COG4: variants seen among roughly 807,000 people sequenced by gnomAD.
COG4 encodes the protein conserved oligomeric Golgi complex subunit 4.
COG4 carries 65 observed loss-of-function variants against 95.1 expected under a neutral mutation model. The ratio of observed to expected loss-of-function variants is 0.68; its 90% CI spans 0.56 to 0.84. The LOEUF (loss-of-function observed/expected upper bound fraction) is 0.84. COG4 is among the 40% of genes least tolerant of loss of function. The pLI, the probability that COG4 is intolerant of heterozygous loss-of-function variation, is 0.00. For synonymous variants in COG4, 421 were observed against 374.8 expected (o/e 1.12, Z -1.42); for missense variants, 1,045 against 989.1 (o/e 1.06, Z -0.76).
chr16:70,521,744 G>A (rs373060809), intron 1 of COG4, among the ~76,000 whole-genome samples: 2 of 141,840 alleles, frequency 1.4e-5, no homozygotes, highest in Non-Finnish European at 3.0e-5. Context: ...CTCTGTCGCC[G>A]AGGCTGGAGT....
chr16:70,482,475 T>C, intron 15 of COG4: 3 of 598,292 alleles, frequency 5.0e-6, no homozygotes, highest in African/African-American at 2.2e-5. Flanking sequence ...CGCTTCTAAG[T>C]CTATCATAGG....
chr16:70,501,923 T>C (rs1158242203), intron 8 of COG4, among the ~76,000 whole-genome samples: 1 of 151,976 alleles, frequency 6.6e-6, no homozygotes, highest in Non-Finnish European at 1.5e-5. Flanking sequence ...CCTCCTGCCT[T>C]GGCCTCTTGA....
At chr16:70,513,870 GCCC>G (rs2049763667) in intron 4 of COG4, among the ~76,000 whole-genome samples, 1 of 152,166 alleles carries the variant, frequency 6.6e-6, no homozygotes, top group African/African-American at 2.4e-5. Flanking sequence ...AACAAAGCCT[GCCC>G]CAGGATGGTA....
At chr16:70,507,566 T>C (rs1003298576) in intron 8 of COG4, among the ~76,000 whole-genome samples, 1 of 152,064 alleles carries the variant, frequency 6.6e-6, no homozygotes, top group Non-Finnish European at 1.5e-5. Context: ...TCTCAGAATG[T>C]ACTCCAGTTG....
At chr16:70,518,064 G>A (rs55667445) in intron 2 of COG4, among the ~76,000 whole-genome samples, 152 of 151,988 alleles carry the variant, frequency 1.0e-3, no homozygotes, top group Non-Finnish European at 1.8e-3. Context: ...CTGAGTAGCT[G>A]GGACTACAGG....
In COG4 at chr16:70,497,899, G is replaced by A. The variant is rs118063325; in HGVS notation, c.1314+38C>T. 4.3e-3 allele frequency: 5,239 copies of A among 1,205,836 alleles called. 19 individuals are homozygous for A. The highest frequency in any genetic ancestry group is 5.5e-3 in the Non-Finnish European group (4,473 of 807,344). The allele number at this position is 1,205,836 out of a possible 1,614,324, so 74.7% of individuals were successfully genotyped here. ...TTCCCTCAGCCTGGCTTCTTGGACCGGAAGCCCCATTTCCAAGAGATGCGT... is the reference window on the plus strand; with the variant it reads ...TTCCCTCAGCCTGGCTTCTTGGACCAGAAGCCCCATTTCCAAGAGATGCGT... On this transcript the variant is annotated intron_variant, in intron 10 of 18. Transcript: ENST00000323786.
chr16:70,502,273 T>C (rs1272291828), intron 8 of COG4, among the ~76,000 whole-genome samples: 5 of 52,902 alleles, frequency 9.5e-5, no homozygotes. Context: ...ACAGCAAGAC[T>C]CCGTCTCAAA....
chr16:70,487,403 C>T (rs368155770), intron 13 of COG4, among the ~76,000 whole-genome samples: 6 of 152,118 alleles, frequency 3.9e-5, no homozygotes, highest in Non-Finnish European at 1.5e-5. Context: ...TCGAGACCAG[C>T]CTGGCCAACA....
chr16:70,484,085 G>A, intron 13 of COG4, 116 bp from the exon 14 acceptor site: 9 of 802,228 alleles, frequency 1.1e-5, no homozygotes, highest in Non-Finnish European at 1.7e-5. Context: ...GCCCGGATGG[G>A]TTTCAGAAAA....
Position 70,523,547 on chromosome 16 carries a change from G to A in COG4, c.-4C>T. 1 of 1,613,532 alleles carries A rather than the reference G, an allele frequency of 6.2e-7. No homozygotes were observed. The highest frequency in any genetic ancestry group is 8.5e-7 in the Non-Finnish European group (1 of 1,180,014). ...GGTCCGCCATCTTGGTCCCCATTCG[G>A]CACTTCCGGTCCCGCGAGGCCCCCT... is the stretch of plus-strand genomic sequence containing the variant. On this transcript the variant is annotated 5_prime_UTR_variant, in exon 1 of 19. Transcript: ENST00000323786.
chr16:70,509,891 CT>C (rs2049662010), intron 6 of COG4, 24 bp downstream of exon 6: 1 of 1,555,558 alleles, frequency 6.4e-7, no homozygotes, highest in Admixed American at 1.7e-5. Context: ...TCTCCAGTCT[CT>C]CTAGAGCGGA....
chr16:70,487,396 A>C (rs1425406572), intron 13 of COG4, among the ~76,000 whole-genome samples: 1 of 152,152 alleles, frequency 6.6e-6, no homozygotes, highest in East Asian at 1.9e-4. Flanking sequence ...CAGGAGTTCG[A>C]GACCAGCCTG....
Position 70,481,481 on chromosome 16 carries a change from C to G in COG4, c.2113G>C (p.Gly705Arg). Residue 705 changes from glycine to arginine, a missense_variant, in exon 18 of 19, where the codon GGT (glycine) becomes CGT (arginine). Gly to Arg is a moderately radical substitution (Grantham distance 125). Transcript: ENST00000323786. ...CTCAGCTCCTTGTCAAACTGCAGAC[C>G]ACCCAGCTGCAGGAGAACCCAAGCC... ...VLKSTFNRLG[G>R]LQFDKELRSL... The G allele has an allele frequency of 6.2e-7, 1 of 1,611,896 alleles. No individual in the cohort carries two copies.
chr16:70,513,658 A>G (rs192211491), intron 4 of COG4, among the ~76,000 whole-genome samples: 109 of 152,288 alleles, frequency 7.2e-4, no homozygotes, highest in African/African-American at 2.5e-3. Flanking sequence ...TACTGTACTT[A>G]CCCTTCTTGT....
intron 1 of COG4, among the ~76,000 whole-genome samples, chr16:70,520,978 C>T (rs1196361372): frequency 3.9e-5 from 6 of 152,126 alleles, no homozygotes; most frequent in South Asian, 2.1e-4. Flanking sequence ...TTATTTTTTG[C>T]GGGGGCTCAA....
Position 70,523,436 on chromosome 16 carries a change from G to A in COG4, c.108C>T (p.Leu36=). ...CCTGCAGCTCTGTCAGGGAGCGAAT[G>A]AGCTCAGCGGAGATTTCGGAGCAGC... ...GGRCSEISAE[L]IRSLTELQEL... is the part of the protein sequence containing the mutation. Residue 36 remains leucine, a synonymous_variant, in exon 1 of 19, where the codon CTC becomes CTT. Coordinates refer to ENST00000323786, the MANE Select transcript of COG4 (RefSeq NM_015386.3). The A allele has an allele frequency of 6.2e-7, 1 of 1,614,076 alleles. No homozygotes were observed. The highest frequency in any genetic ancestry group is 8.5e-7 in the Non-Finnish European group (1 of 1,179,982).
intron 9 of COG4, 78 bp downstream of exon 9, chr16:70,500,880 G>C: frequency 6.4e-7 from 1 of 1,553,198 alleles, no homozygotes; most frequent in Non-Finnish European, 8.9e-7. Context: ...TCCTTAATAA[G>C]AGATTTGTGG....
chr16:70,499,600 G>T (rs1164113762), intron 9 of COG4, among the ~76,000 whole-genome samples: 1 of 152,022 alleles, frequency 6.6e-6, no homozygotes, highest in Non-Finnish European at 1.5e-5. Flanking sequence ...GAATTAAATG[G>T]TCATCTTAAA....
chr16:70,521,764 C>T (rs2049948046), intron 1 of COG4, among the ~76,000 whole-genome samples: 1 of 145,352 alleles, frequency 6.9e-6, no homozygotes, highest in South Asian at 2.2e-4. Context: ...TGCAGTGGTG[C>T]GATCTCGGCT....
Sources: gnomAD v4.1 joint callset for allele counts (sites outside exome capture counted in the v4.1 genomes callset) on GRCh38, gnomAD v4.1.1 for gene constraint, MANE v1.5 for transcripts, NCBI Gene and HGNC (gene_info 2026-07-23, HGNC 2026-07-21) for gene names.